Variants in POLN observed in about 807,000 individuals in gnomAD.
The protein encoded by POLN is DNA polymerase nu.
POLN carries 108 observed loss-of-function variants against 113.5 expected under a neutral mutation model. The observed-to-expected ratio is 0.95, with a 90% CI of 0.81 to 1.12. The LOEUF is 1.12. Ranked by LOEUF, POLN falls within the 50% of genes most tolerant of loss-of-function variation. POLN has a pLI of 0.00. For missense variants in POLN, 1,097 were observed against 1,077.1 expected, an observed-to-expected ratio of 1.02 and a Z score of -0.26; for synonymous variants, 386 against 391.5, an observed-to-expected ratio of 0.99 and a Z score of 0.17.
chr4:2,101,675 T>C (rs1730928737), intron 19 of POLN, among the ~76,000 whole-genome samples: 1 of 152,238 alleles, frequency 6.6e-6, no homozygotes, highest in African/African-American at 2.4e-5. Flanking sequence ...ACAGACTGTG[T>C]GGTGCCATGA....
intron 6 of POLN, among the ~76,000 whole-genome samples, chr4:2,193,649 A>G (rs774394222): frequency 2.0e-5 from 3 of 152,208 alleles, no homozygotes; most frequent in Non-Finnish European, 4.4e-5. Context: ...ATGACTCTCT[A>G]GCCCGTTCTC....
chr4:2,125,890 G>T (rs1017429245), intron 19 of POLN, among the ~76,000 whole-genome samples: 2 of 152,138 alleles, frequency 1.3e-5, no homozygotes, highest in Non-Finnish European at 2.9e-5. Flanking sequence ...GGCCAGCGAG[G>T]ACCCAGTGCA....
chr4:2,098,819 C>T (rs755459381), intron 19 of POLN, among the ~76,000 whole-genome samples: 1 of 152,166 alleles, frequency 6.6e-6, no homozygotes, highest in Non-Finnish European at 1.5e-5. Flanking sequence ...ATGGCTGATT[C>T]CAGGACTGGG....
intron 3 of POLN, among the ~76,000 whole-genome samples, chr4:2,221,719 G>C (rs1360903852): frequency 6.6e-6 from 1 of 152,132 alleles, no homozygotes; most frequent in Non-Finnish European, 1.5e-5. Context: ...GGGATTACAG[G>C]CACCTGCCAC....
intron 19 of POLN, among the ~76,000 whole-genome samples, chr4:2,125,171 G>A (rs1731548898): frequency 6.6e-6 from 1 of 152,112 alleles, no homozygotes; most frequent in Non-Finnish European, 1.5e-5. Flanking sequence ...ATGTAAGGCT[G>A]GGCTGGTTGT....
chr4:2,208,849 A>G (rs1031794475), intron 4 of POLN, among the ~76,000 whole-genome samples: 4 of 152,156 alleles, frequency 2.6e-5, no homozygotes, highest in South Asian at 2.1e-4. Flanking sequence ...ATTAGCTGGC[A>G]TGGTGGCAGG....
At chr4:2,132,103 G>A (rs34908473) in intron 16 of POLN, among the ~76,000 whole-genome samples, 1 of 152,274 alleles carries the variant, frequency 6.6e-6, no homozygotes, top group East Asian at 1.9e-4. Context: ...AGGCCACATT[G>A]TCATCCTCAT....
intron 19 of POLN, among the ~76,000 whole-genome samples, chr4:2,125,421 A>G (rs1035414394): frequency 3.9e-5 from 6 of 152,024 alleles, no homozygotes; most frequent in African/African-American, 1.4e-4. Flanking sequence ...CTTTTTGGAG[A>G]TTAAGAGAGA....
Position 2,213,040 on chromosome 4 carries a change from G to C in POLN, c.213+7C>G. The C allele has an allele frequency of 6.3e-7, 1 of 1,589,196 alleles. No homozygotes were observed. Among genetic ancestry groups the C allele is most frequent in the Non-Finnish European group, 8.6e-7 (1 of 1,162,494 alleles). On this transcript the variant is annotated splice_region_variant and intron_variant, in intron 4 of 25. Coordinates refer to ENST00000511885, the MANE Select transcript of POLN (RefSeq NM_181808.4). ...ATTTAAAATTACTCATATGTGCAAT[G>C]ATTTACCTTTTTTTCTGGTGATTGA...
intron 7 of POLN, among the ~76,000 whole-genome samples, chr4:2,188,828 G>A (rs561046649): frequency 3.3e-5 from 5 of 152,208 alleles, no homozygotes; most frequent in African/African-American, 1.2e-4. Context: ...TTAAGAGATG[G>A]GCCATATAAA....
At chr4:2,177,270 T>C (rs932960866) in intron 8 of POLN, 1 of 478,810 alleles carries the variant, frequency 2.1e-6, no homozygotes, top group Non-Finnish European at 4.2e-6. Flanking sequence ...CTAAATCTTC[T>C]CTGGCTCCCC....
At chr4:2,227,213 A>G (rs1734420176) in intron 3 of POLN, among the ~76,000 whole-genome samples, 2 of 152,250 alleles carry the variant, frequency 1.3e-5, no homozygotes, top group Non-Finnish European at 2.9e-5. Flanking sequence ...GGTTGCCCAC[A>G]TAGAGGATCA....
In POLN at chr4:2,193,105, A is replaced by G. The variant is rs753706633; in HGVS notation, c.1021+99T>C. 6.7e-5 allele frequency: 59 copies of G among 886,566 alleles called. 1 individual carries two copies. The highest frequency in any genetic ancestry group is 9.6e-5 in the Non-Finnish European group (55 of 572,350). 54.9% of individuals were successfully genotyped at this position (886,566 alleles called of 1,614,324 possible). On this transcript the variant is annotated intron_variant, in intron 7 of 25. Transcript: ENST00000511885. Reference sequence around the variant, plus strand: ...ATCAGTCTGTGTGGCCAGGTCCTCCAGGAGTTGTGTGACATGGCTGCCCTC... The same window carrying G: ...ATCAGTCTGTGTGGCCAGGTCCTCCGGGAGTTGTGTGACATGGCTGCCCTC...
In POLN at chr4:2,110,943, A is replaced by C. The variant is rs541232466; in HGVS notation, c.1983-15010T>G. Among the ~76,000 whole-genome samples, 4 of 152,378 alleles carry C rather than the reference A, an allele frequency of 2.6e-5. No homozygotes were observed. The South Asian group carries it at 6.2e-4, about 24-fold the overall frequency. ...CCTGGCAGAGACACAACAAAAAAAG[A>C]GAATTGTAGACCAATATCCTTGATG... On this transcript the variant is annotated intron_variant, in intron 19 of 25. Transcript: ENST00000511885.
chr4:2,212,029 G>T (rs112533138), intron 4 of POLN, among the ~76,000 whole-genome samples: 1 of 152,102 alleles, frequency 6.6e-6, no homozygotes, highest in Non-Finnish European at 1.5e-5. Flanking sequence ...TATGAACCCA[G>T]GGGCAAATAA....
chr4:2,078,293 C>T (rs993900472), intron 23 of POLN, among the ~76,000 whole-genome samples: 3 of 152,184 alleles, frequency 2.0e-5, no homozygotes, highest in Non-Finnish European at 2.9e-5. Context: ...GGCCTGTGAA[C>T]GCTGGCCACC....
At chr4:2,214,487 C>CATTTACAAGATAAGACAA (rs1218118033) in intron 3 of POLN, among the ~76,000 whole-genome samples, 3 of 152,230 alleles carry the variant, frequency 2.0e-5, no homozygotes, top group Admixed American at 2.0e-4. Context: ...AGTTCTCATA[C>CATTTACAAGATAAGACAA]ATTTACAAGA....
intron 16 of POLN, among the ~76,000 whole-genome samples, chr4:2,150,430 A>G (rs1173677561): frequency 7.9e-5 from 12 of 152,178 alleles, no homozygotes; most frequent in Non-Finnish European, 1.6e-4. Context: ...ATTCAAGGTA[A>G]TCCCAATGAA....
chr4:2,095,217 G>A (rs1227754048), intron 20 of POLN, among the ~76,000 whole-genome samples: 1 of 152,066 alleles, frequency 6.6e-6, no homozygotes, highest in Non-Finnish European at 1.5e-5. Context: ...GAGAGGAGCA[G>A]AAACAGGAAG....
Sources: gnomAD v4.1 joint callset for allele counts (sites outside exome capture counted in the v4.1 genomes callset) on GRCh38, gnomAD v4.1.1 for gene constraint, MANE v1.5 for transcripts, NCBI Gene and HGNC (gene_info 2026-07-23, HGNC 2026-07-21) for gene names.